Variants in GRM7 observed in about 807,000 individuals in gnomAD.
GRM7 encodes the protein metabotropic glutamate receptor 7.
GRM7 carries 35 observed loss-of-function variants against 84.5 expected under a neutral mutation model. The observed-to-expected ratio is 0.41, with a 90% confidence interval of 0.32 to 0.55. GRM7 has a LOEUF of 0.55. Ranked by LOEUF, GRM7 falls within the 20% of genes least tolerant of loss-of-function variation. The pLI is 0.19. For synonymous variants in GRM7, 487 were observed against 455.1 expected, an observed-to-expected ratio of 1.07 and a Z score of -0.89; for missense variants, 1,003 against 1,194.6, an observed-to-expected ratio of 0.84 and a Z score of 2.36.
rs144618590 is a variant in GRM7, at chr3:7,166,834, A to G, written c.736+20166A>G. Among the ~76,000 whole-genome samples the G allele has an allele frequency of 2.5e-3, 379 of 152,286 alleles. 10 individuals are homozygous for G. Among genetic ancestry groups the G allele is most frequent in the Middle Eastern group, 0.024 (7 of 294 alleles). On this transcript the variant is annotated intron_variant, in intron 2 of 9. Coordinates refer to ENST00000357716, the MANE Select transcript of GRM7 (RefSeq NM_000844.4). Reference sequence around the variant, plus strand: ...GATTCCTGCTTACTTCTTTATTAATAATAAATTCCCATGTTGCCTTAGCAT... The same window carrying G: ...GATTCCTGCTTACTTCTTTATTAATGATAAATTCCCATGTTGCCTTAGCAT...
chr3:7,537,109 G>T (rs1701272371), intron 7 of GRM7, among the ~76,000 whole-genome samples: 1 of 152,184 alleles, frequency 6.6e-6, no homozygotes, highest in African/African-American at 2.4e-5. Flanking sequence ...TGCAGGTGAT[G>T]TCTGGAGGAG....
intron 1 of GRM7, among the ~76,000 whole-genome samples, chr3:6,948,151 G>C (rs1487256296): frequency 6.8e-6 from 1 of 146,830 alleles, no homozygotes; most frequent in Admixed American, 6.8e-5. Context: ...TGATGTTAGG[G>C]TGTCAATTTT....
chr3:6,884,834 G>A (rs753973403), intron 1 of GRM7, among the ~76,000 whole-genome samples: 5 of 151,988 alleles, frequency 3.3e-5, no homozygotes, highest in Middle Eastern at 3.4e-3. Flanking sequence ...TCCTGACCTC[G>A]TGATCCACCC....
chr3:7,337,301 A>G (rs1189930144), intron 4 of GRM7, among the ~76,000 whole-genome samples: 2 of 152,124 alleles, frequency 1.3e-5, no homozygotes, highest in Non-Finnish European at 2.9e-5. Context: ...ACCTCTAACC[A>G]TACAAATTCT....
intron 2 of GRM7, among the ~76,000 whole-genome samples, chr3:7,167,917 C>CAAG (rs1327130344): frequency 7.7e-6 from 1 of 129,174 alleles, no homozygotes; most frequent in Non-Finnish European, 1.6e-5. Context: ...TGCAGTGAGC[C>CAAG]AAGATCACGC....
intron 1 of GRM7, among the ~76,000 whole-genome samples, chr3:6,923,765 A>G (rs574678901): frequency 1.1e-3 from 160 of 152,288 alleles, no homozygotes; most frequent in African/African-American, 3.2e-3. Flanking sequence ...CCCTGGATTC[A>G]TAAAATTTCA....
intron 4 of GRM7, among the ~76,000 whole-genome samples, chr3:7,353,895 C>A (rs1017673873): frequency 2.0e-5 from 3 of 151,740 alleles, no homozygotes; most frequent in Non-Finnish European, 4.4e-5. Context: ...CTTGTGTAGA[C>A]CTGTGGCATT....
At chr3:7,243,880 A>C (rs2124926224) in intron 2 of GRM7, among the ~76,000 whole-genome samples, 1 of 152,282 alleles carries the variant, frequency 6.6e-6, no homozygotes, top group African/African-American at 2.4e-5. Flanking sequence ...AGGCAATTGT[A>C]ATACAATGAT....
chr3:7,051,666 C>G (rs1461317579), intron 1 of GRM7, among the ~76,000 whole-genome samples: 1 of 151,762 alleles, frequency 6.6e-6, no homozygotes, highest in African/African-American at 2.4e-5. Context: ...CCTCCCCATG[C>G]TTGTAATTTA....
In GRM7 at chr3:7,487,236, T is replaced by C. The variant is rs79856490; in HGVS notation, c.1515+25514T>C. Among the ~76,000 whole-genome samples, 1,094 of 152,176 alleles carry C rather than the reference T, an allele frequency of 7.2e-3. 22 individuals carry two copies. The highest frequency in any genetic ancestry group is 0.026 in the African/African-American group (1,060 of 41,520). On this transcript the variant is annotated intron_variant, in intron 7 of 9. Coordinates refer to ENST00000357716, the MANE Select transcript of GRM7 (RefSeq NM_000844.4). ...AAGCTGAGATTCAGGAGCAAAAGAG[T>C]AATTTAAAGACAAAGTTTATAATTA...
At position 6,946,735 on chromosome 3, in the gene GRM7, T is replaced by C. The variant is rs945828317; in HGVS notation, c.519+84828T>C. ...TTTGTTTATATCCTCTTTTATTTCA[T>C]TGAGCAGTGGTTTGTAGTTCTAGGT... On this transcript the variant is annotated intron_variant, in intron 1 of 9. Transcript: ENST00000357716. 5.9e-5 allele frequency among the ~76,000 whole-genome samples: 9 copies of C among 152,208 alleles called. No homozygotes were observed. The South Asian group carries it at 6.2e-4, about 11-fold the overall frequency.
At chr3:7,283,770 A>G (rs983696568) in intron 2 of GRM7, among the ~76,000 whole-genome samples, 1 of 152,246 alleles carries the variant, frequency 6.6e-6, no homozygotes, top group Non-Finnish European at 1.5e-5. Flanking sequence ...CATGGACTTT[A>G]CGGGCAGTTA....
chr3:7,648,031 T>C (rs1384291290), intron 8 of GRM7, among the ~76,000 whole-genome samples: 1 of 152,170 alleles, frequency 6.6e-6, no homozygotes, highest in African/African-American at 2.4e-5. Context: ...TCGGCCTAAC[T>C]GCATTTTACA....
At chr3:7,297,265 G>T (rs969793531) in intron 2 of GRM7, among the ~76,000 whole-genome samples, 2 of 151,982 alleles carry the variant, frequency 1.3e-5, no homozygotes, top group Non-Finnish European at 2.9e-5. Flanking sequence ...GGGTTATTTG[G>T]TAGTGTGTTG....
intron 4 of GRM7, among the ~76,000 whole-genome samples, chr3:7,371,304 A>G (rs888938257): frequency 2.0e-5 from 3 of 152,208 alleles, no homozygotes; most frequent in Non-Finnish European, 4.4e-5. Context: ...GGCAGTTTGC[A>G]GACAGACTAC....
chr3:7,511,433 G>A (rs1235905924), intron 7 of GRM7, among the ~76,000 whole-genome samples: 5 of 152,108 alleles, frequency 3.3e-5, no homozygotes, highest in Non-Finnish European at 7.4e-5. Context: ...AGTGGTGAGT[G>A]CACCACAGAC....
In GRM7 at chr3:7,015,816, T is replaced by A. The variant is rs544129903; in HGVS notation, c.520-130636T>A. Reference sequence around the variant, plus strand: ...ATGGCTTCTCCCATTGTAAGTGATGTAAGAGAGAGCAAGAAGGAGGCCAGA... The same window carrying A: ...ATGGCTTCTCCCATTGTAAGTGATGAAAGAGAGAGCAAGAAGGAGGCCAGA... On this transcript the variant is annotated intron_variant, in intron 1 of 9. Transcript: ENST00000357716. Among the ~76,000 whole-genome samples, 42 of 152,280 alleles carry A rather than the reference T, an allele frequency of 2.8e-4. No homozygotes were observed. The South Asian group carries it at 4.1e-3, about 15-fold the overall frequency.
At chr3:7,233,644 C>T (rs1352915256) in intron 2 of GRM7, among the ~76,000 whole-genome samples, 1 of 152,080 alleles carries the variant, frequency 6.6e-6, no homozygotes, top group Non-Finnish European at 1.5e-5. Flanking sequence ...TTATTCAATA[C>T]CTGCTCTGTG....
At chr3:7,187,736 C>T (rs146113584) in intron 2 of GRM7, among the ~76,000 whole-genome samples, 52 of 152,238 alleles carry the variant, frequency 3.4e-4, no homozygotes, top group Middle Eastern at 6.8e-3. Flanking sequence ...ATTTTGGGGT[C>T]ATTGGGTCAT....
Sources: allele counts gnomAD v4.1 joint callset (sites outside exome capture counted in the v4.1 genomes callset), GRCh38; gene constraint gnomAD v4.1.1; transcripts MANE v1.5; gene names NCBI Gene and HGNC (gene_info 2026-07-23, HGNC 2026-07-21).